Variants in TAFA5 observed in about 807,000 individuals in gnomAD.
The protein encoded by TAFA5 is TAFA chemokine like family member 5, also known as chemokine-like protein TAFA-5.
A neutral mutation model predicts 15.3 loss-of-function variants in TAFA5; 6 were observed. The observed-to-expected ratio is 0.39, with a 90% confidence interval of 0.21 to 0.77. The LOEUF (loss-of-function observed/expected upper bound fraction) is 0.77. Among genes scored for constraint, TAFA5 ranks in the 30% least tolerant of loss-of-function variants. The pLI is 0.41. For synonymous variants in TAFA5, 103 were observed against 80.7 expected (o/e 1.28, Z -1.48); for missense variants, 161 against 193.1 (o/e 0.83, Z 0.98).
At chr22:48,618,998 G>A (rs1925712525) in intron 1 of TAFA5, among the ~76,000 whole-genome samples, 1 of 152,218 alleles carries the variant, frequency 6.6e-6, no homozygotes, top group South Asian at 2.1e-4. Flanking sequence ...AGCAAGGACT[G>A]CCCAAGACCC....
intron 2 of TAFA5, among the ~76,000 whole-genome samples, chr22:48,703,921 T>C (rs1319351715): frequency 6.6e-6 from 1 of 152,228 alleles, no homozygotes; most frequent in African/African-American, 2.4e-5. Context: ...AACATCTCCC[T>C]GTTGCAGTTG....
chr22:48,539,549 T>C (rs1922286883), intron 1 of TAFA5: 3 of 460,870 alleles, frequency 6.5e-6, no homozygotes, highest in Non-Finnish European at 1.3e-5. Flanking sequence ...CTTCCCACTT[T>C]CTGTATTTTT....
At chr22:48,722,787 T>A (rs1929608534) in intron 3 of TAFA5, among the ~76,000 whole-genome samples, 1 of 151,866 alleles carries the variant, frequency 6.6e-6, no homozygotes, top group Non-Finnish European at 1.5e-5. Flanking sequence ...GGGTACATCC[T>A]AACAGTGAGG....
At position 48,681,869 on chromosome 22, in the gene TAFA5, G is replaced by A. The variant is rs1928202581; in HGVS notation, c.263-25848G>A. Among the ~76,000 whole-genome samples, 2 of 56,456 alleles carry A rather than the reference G, an allele frequency of 3.5e-5. 1 individual carries two copies. Among genetic ancestry groups the A allele is most frequent in the African/African-American group, 8.7e-5 (2 of 23,008 alleles). 37.0% of individuals were successfully genotyped at this position (56,456 alleles called of 152,430 possible). A position where few individuals can be genotyped will look rare whatever the true frequency, so the allele number is the denominator to read the frequency against. Reference sequence around the variant, plus strand: ...ATCAAACACCAGCACCCCGTCGTTGGGGGCTGGACATTGAGGGGAAATGGC... The same window carrying A: ...ATCAAACACCAGCACCCCGTCGTTGAGGGCTGGACATTGAGGGGAAATGGC... On this transcript the variant is annotated intron_variant, in intron 2 of 3. Transcript: ENST00000402357.
intron 1 of TAFA5, among the ~76,000 whole-genome samples, chr22:48,603,093 C>T (rs1301056430): frequency 6.6e-6 from 1 of 152,218 alleles, no homozygotes; most frequent in Non-Finnish European, 1.5e-5. Context: ...CACCCAGGGA[C>T]CCTGGAGCCC....
chr22:48,524,178 C>T (rs1031152790), intron 1 of TAFA5, among the ~76,000 whole-genome samples: 1 of 152,256 alleles, frequency 6.6e-6, no homozygotes, highest in African/African-American at 2.4e-5. Flanking sequence ...GGCAGCCCAC[C>T]GCTTCCAACG....
At chr22:48,512,162 A>T (rs1394642394) in intron 1 of TAFA5, among the ~76,000 whole-genome samples, 1 of 152,192 alleles carries the variant, frequency 6.6e-6, no homozygotes, top group Non-Finnish European at 1.5e-5. Flanking sequence ...CTGCAAGGGG[A>T]CTGAGCCCCT....
chr22:48,582,053 C>T (rs2147146901), intron 1 of TAFA5, among the ~76,000 whole-genome samples: 1 of 152,190 alleles, frequency 6.6e-6, no homozygotes, highest in Middle Eastern at 3.4e-3. Context: ...ACCATGGGAC[C>T]CGGTAGCCTT....
chr22:48,564,710 C>T (rs975787627), intron 1 of TAFA5, among the ~76,000 whole-genome samples: 1 of 152,246 alleles, frequency 6.6e-6, no homozygotes, highest in African/African-American at 2.4e-5. Flanking sequence ...GAGTGGGCTC[C>T]AGCGGTTGGA....
At chr22:48,676,769 A>T (rs939442294) in intron 2 of TAFA5, among the ~76,000 whole-genome samples, 1 of 152,182 alleles carries the variant, frequency 6.6e-6, no homozygotes, top group Non-Finnish European at 1.5e-5. Context: ...AGCCCTGCTC[A>T]AGTCCTGGTT....
chr22:48,655,863 A>G (rs1927225069), intron 2 of TAFA5, among the ~76,000 whole-genome samples: 2 of 112,416 alleles, frequency 1.8e-5, no homozygotes, highest in African/African-American at 7.2e-5. Context: ...TTTTTGAGAC[A>G]GAGTCTCGCT....
At chr22:48,679,901 A>G (rs1038235110) in intron 2 of TAFA5, among the ~76,000 whole-genome samples, 4 of 152,210 alleles carry the variant, frequency 2.6e-5, no homozygotes, top group Non-Finnish European at 5.9e-5. Flanking sequence ...AGCTTAGCCC[A>G]GTGGTGACCA....
chr22:48,559,063 T>C (rs73425903), intron 1 of TAFA5, among the ~76,000 whole-genome samples: 23,655 of 151,770 alleles, frequency 0.16, 2,267 homozygotes, highest in African/African-American at 0.28. Context: ...GTGAGGGAGG[T>C]GCCCCCTCCC....
chr22:48,747,895 T>TAAAAA (rs130233), intron 3 of TAFA5, among the ~76,000 whole-genome samples: 1 of 121,598 alleles, frequency 8.2e-6, no homozygotes, highest in Non-Finnish European at 1.7e-5. Flanking sequence ...AGACTCTGTC[T>TAAAAA]AAAAAAAAAA....
At chr22:48,522,996 C>A (rs1269372734) in intron 1 of TAFA5, among the ~76,000 whole-genome samples, 1 of 152,206 alleles carries the variant, frequency 6.6e-6, no homozygotes, top group African/African-American at 2.4e-5. Context: ...GCAGCTGGAG[C>A]CCCCCATGGC....
intron 1 of TAFA5, among the ~76,000 whole-genome samples, chr22:48,542,065 G>A (rs111321972): frequency 0.056 from 8,424 of 151,406 alleles, 595 homozygotes; most frequent in African/African-American, 0.17. Context: ...TGTGTGTGGT[G>A]TGTGTGTGCG....
chr22:48,736,625 A>G (rs1226409708), intron 3 of TAFA5, among the ~76,000 whole-genome samples: 1 of 152,260 alleles, frequency 6.6e-6, no homozygotes, highest in African/African-American at 2.4e-5. Context: ...CAACCTTCAT[A>G]TACAGCCATG....
At chr22:48,656,369 G>C (rs887237555) in intron 2 of TAFA5, among the ~76,000 whole-genome samples, 7 of 152,168 alleles carry the variant, frequency 4.6e-5, no homozygotes, top group African/African-American at 1.4e-4. Flanking sequence ...AGCTGGCTGT[G>C]GTGGCAGGTG....
At chr22:48,575,322 G>A (rs1159960038) in intron 1 of TAFA5, among the ~76,000 whole-genome samples, 2 of 151,352 alleles carry the variant, frequency 1.3e-5, no homozygotes, top group African/African-American at 4.8e-5. Context: ...GGGCGCTGCA[G>A]GGCGGGGTCC....
Sources: allele counts gnomAD v4.1 joint callset (sites outside exome capture counted in the v4.1 genomes callset), GRCh38; gene constraint gnomAD v4.1.1; transcripts MANE v1.5; gene names NCBI Gene and HGNC (gene_info 2026-07-23, HGNC 2026-07-21).